The following LHFPL3 variants were observed in gnomAD, a reference collection of about 807,000 sequenced individuals.
LHFPL3 encodes LHFPL tetraspan subfamily member 3.
In LHFPL3, 5 loss-of-function variants were observed where a neutral mutation model predicts 19.3. The observed-to-expected ratio is 0.26, with a 90% confidence interval of 0.14 to 0.54. The LOEUF is 0.54. Ranked by LOEUF, LHFPL3 falls within the 20% of genes least tolerant of loss-of-function variation. The pLI is 0.94. For synonymous variants in LHFPL3, 133 were observed against 126.2 expected, an observed-to-expected ratio of 1.05 and a Z score of -0.36; for missense variants, 249 against 307.4, an observed-to-expected ratio of 0.81 and a Z score of 1.42.
At chr7:104,443,293 C>T (rs987311577) in intron 1 of LHFPL3, among the ~76,000 whole-genome samples, 1 of 152,142 alleles carries the variant, frequency 6.6e-6, no homozygotes, top group Non-Finnish European at 1.5e-5. Context: ...CGATAACACC[C>T]ACACTGGATG....
Position 104,701,756 on chromosome 7 carries a change from T to C in LHFPL3, c.446-34919T>C, listed in dbSNP as rs1476697439. The stretch of plus-strand genomic sequence containing the variant: ...TAATGACATACATAGGTATTGTCTA[T>C]TTTTACTCATCCTACTCAGCATCTA... On this transcript the variant is annotated intron_variant, in intron 1 of 2. Transcript: ENST00000424859. Among the ~76,000 whole-genome samples, 3 of 152,226 alleles carry C rather than the reference T, an allele frequency of 2.0e-5. 1 individual carries two copies. The highest frequency in any genetic ancestry group is 4.1e-4 in the South Asian group (2 of 4,832).
rs59887786 is a variant in LHFPL3 at position 104,359,966 on chromosome 7, A to C, written c.445+30742A>C. Among the ~76,000 whole-genome samples, 1,391 of 152,350 alleles carry C rather than the reference A, an allele frequency of 9.1e-3. 20 individuals carry two copies. Among genetic ancestry groups the C allele is most frequent in the African/African-American group, 0.032 (1,317 of 41,564 alleles). The stretch of plus-strand genomic sequence containing the variant: ...TTTCTGTATCATGTGTTATAAACTG[A>C]CACTCAGAAGTTAGTAACTTACCCA... On this transcript the variant is annotated intron_variant, in intron 1 of 2. Coordinates refer to ENST00000424859, the MANE Select transcript of LHFPL3 (RefSeq NM_199000.3).
At chr7:104,527,623 C>A (rs1405870472) in intron 1 of LHFPL3, among the ~76,000 whole-genome samples, 1 of 151,934 alleles carries the variant, frequency 6.6e-6, no homozygotes, top group Non-Finnish European at 1.5e-5. Flanking sequence ...AGAAGAATAT[C>A]GGTAATGATC....
chr7:104,686,597 G>A (rs574362384), intron 1 of LHFPL3, among the ~76,000 whole-genome samples: 3 of 152,150 alleles, frequency 2.0e-5, no homozygotes, highest in South Asian at 2.1e-4. Context: ...CAATTCTGAC[G>A]CTGTCTACCT....
chr7:104,335,784 G>A (rs956473210), intron 1 of LHFPL3, among the ~76,000 whole-genome samples: 1 of 151,268 alleles, frequency 6.6e-6, no homozygotes, highest in Non-Finnish European at 1.5e-5. Context: ...TCAGGAAAGA[G>A]GATCCAGATG....
intron 1 of LHFPL3, among the ~76,000 whole-genome samples, chr7:104,422,075 T>C (rs1791743164): frequency 6.6e-6 from 1 of 152,156 alleles, no homozygotes; most frequent in South Asian, 2.1e-4. Context: ...AAAAATACAT[T>C]TCAGGCCGGG....
At chr7:104,780,206 A>G (rs1391961149) in intron 2 of LHFPL3, among the ~76,000 whole-genome samples, 1 of 152,168 alleles carries the variant, frequency 6.6e-6, no homozygotes, top group Non-Finnish European at 1.5e-5. Flanking sequence ...CTTGTGAGTG[A>G]GGTCTAGTGC....
chr7:104,532,215 C>G (rs12705228), intron 1 of LHFPL3, among the ~76,000 whole-genome samples: 1,805 of 151,658 alleles, frequency 0.012, 14 homozygotes, highest in East Asian at 0.027. Context: ...GTCCTGGGCT[C>G]AAGCCATCCT....
At chr7:104,867,682 T>C (rs1485521538) in intron 2 of LHFPL3, among the ~76,000 whole-genome samples, 1 of 152,192 alleles carries the variant, frequency 6.6e-6, no homozygotes, top group African/African-American at 2.4e-5. Context: ...CTTCTGAAAC[T>C]ATTCCAATCA....
chr7:104,654,796 A>G (rs1186763198), intron 1 of LHFPL3, among the ~76,000 whole-genome samples: 1 of 152,118 alleles, frequency 6.6e-6, no homozygotes, highest in Non-Finnish European at 1.5e-5. Context: ...TTATAATCCT[A>G]TGAACCCCAG....
intron 2 of LHFPL3, chr7:104,786,667 G>A (rs1228721294): frequency 6.9e-6 from 1 of 145,708 alleles, no homozygotes; most frequent in African/African-American, 2.6e-5. Context: ...TGTCAAATAA[G>A]ACTACTACTG....
chr7:104,393,391 A>G (rs1253353293), intron 1 of LHFPL3, among the ~76,000 whole-genome samples: 2 of 152,136 alleles, frequency 1.3e-5, no homozygotes, highest in African/African-American at 2.4e-5. Flanking sequence ...CAAAGTAAAA[A>G]AAAAAATTAT....
chr7:104,348,561 A>C (rs549550845), intron 1 of LHFPL3, among the ~76,000 whole-genome samples: 76 of 152,254 alleles, frequency 5.0e-4, no homozygotes, highest in Non-Finnish European at 8.7e-4. Flanking sequence ...AAAATCACAT[A>C]TGTAGGTCCT....
At chr7:104,599,505 C>T (rs999781736) in intron 1 of LHFPL3, among the ~76,000 whole-genome samples, 1 of 152,176 alleles carries the variant, frequency 6.6e-6, no homozygotes. Flanking sequence ...AGCAGTATTA[C>T]ACTTTGAGAA....
intron 1 of LHFPL3, among the ~76,000 whole-genome samples, chr7:104,482,342 A>G (rs1310837612): frequency 6.6e-6 from 1 of 152,164 alleles, no homozygotes; most frequent in Non-Finnish European, 1.5e-5. Context: ...CACATCTAAG[A>G]CATCCTGGTA....
At chr7:104,564,545 A>G (rs1301857482) in intron 1 of LHFPL3, among the ~76,000 whole-genome samples, 1 of 152,238 alleles carries the variant, frequency 6.6e-6, no homozygotes, top group Non-Finnish European at 1.5e-5. Context: ...TAATCTGATC[A>G]TCTAAATAAA....
In LHFPL3 at chr7:104,353,513, G is replaced by A. The variant is rs369319709; in HGVS notation, c.445+24289G>A. 9.8e-5 allele frequency among the ~76,000 whole-genome samples: 15 copies of A among 152,332 alleles called. No homozygotes were observed. The East Asian group carries it at 1.7e-3, about 18-fold the overall frequency. On this transcript the variant is annotated intron_variant, in intron 1 of 2. Coordinates refer to ENST00000424859, the MANE Select transcript of LHFPL3 (RefSeq NM_199000.3). ...ATTATTCATTTGTATATAAATAAAG[G>A]CAGCAGATTCTGGATGGAAGAAGTG...
At chr7:104,593,086 G>T (rs1357696100) in intron 1 of LHFPL3, among the ~76,000 whole-genome samples, 1 of 152,064 alleles carries the variant, frequency 6.6e-6, no homozygotes, top group Non-Finnish European at 1.5e-5. Context: ...GCTAGCTTTT[G>T]GATGTGCTTG....
At chr7:104,875,262 G>T (rs1791915696) in intron 2 of LHFPL3, among the ~76,000 whole-genome samples, 1 of 151,870 alleles carries the variant, frequency 6.6e-6, no homozygotes, top group Admixed American at 6.6e-5. Flanking sequence ...TAATACTGAG[G>T]TCCAAATTTG....
Sources: gnomAD v4.1 joint callset for allele counts (sites outside exome capture counted in the v4.1 genomes callset) on GRCh38, gnomAD v4.1.1 for gene constraint, MANE v1.5 for transcripts, NCBI Gene and HGNC (gene_info 2026-07-23, HGNC 2026-07-21) for gene names.